The following ABTB3 variants were observed in gnomAD, a reference collection of about 807,000 sequenced individuals.
ABTB3 encodes the protein ankyrin repeat- and BTB/POZ domain-containing protein 3.
the ABTB3 span, among the ~76,000 whole-genome samples, chr12:107,518,423 A>AT: frequency 1.3e-5 from 2 of 152,186 alleles, no homozygotes; most frequent in African/African-American, 4.8e-5. Context: ...CTATGCAGCC[A>AT]TAAAAAATGA....
chr12:107,491,085 A>AGGTG, the ABTB3 span, among the ~76,000 whole-genome samples: 1 of 152,158 alleles, frequency 6.6e-6, no homozygotes, highest in East Asian at 1.9e-4. Flanking sequence ...ACATCTGAGT[A>AGGTG]GGTGGGCCTC....
chr12:107,599,942 GT>G, the ABTB3 span, among the ~76,000 whole-genome samples: 1 of 152,200 alleles, frequency 6.6e-6, no homozygotes, highest in Non-Finnish European at 1.5e-5. Flanking sequence ...TAGATATTCA[GT>G]AATGTTGAAT....
chr12:107,622,982 T>C, the ABTB3 span, among the ~76,000 whole-genome samples: 4 of 152,316 alleles, frequency 2.6e-5, no homozygotes, highest in East Asian at 7.7e-4. Flanking sequence ...ATTCAGTGTC[T>C]CTAGACTTCC....
chr12:107,541,602 C>T, the ABTB3 span, among the ~76,000 whole-genome samples: 5 of 152,224 alleles, frequency 3.3e-5, no homozygotes, highest in Admixed American at 6.5e-5. Flanking sequence ...CTTTCCTCTT[C>T]GGAGAACTTC....
At chr12:107,441,448 T>G in the ABTB3 span, among the ~76,000 whole-genome samples, 1 of 151,932 alleles carries the variant, frequency 6.6e-6, no homozygotes, top group East Asian at 1.9e-4. Context: ...CAACACATAC[T>G]GGGGCCTATT....
At chr12:107,499,586 T>C in the ABTB3 span, among the ~76,000 whole-genome samples, 1 of 152,172 alleles carries the variant, frequency 6.6e-6, no homozygotes, top group Non-Finnish European at 1.5e-5. Flanking sequence ...CAGTTTTGCA[T>C]GGCTGGGGAG....
At chr12:107,320,207 G>A in the ABTB3 span, 73 of 1,293,536 alleles carry the variant, frequency 5.6e-5, no homozygotes, top group Non-Finnish European at 7.0e-5. Context: ...AGGCGGCCGG[G>A]CTGGAGGTAG....
At chr12:107,339,468 G>C in the ABTB3 span, among the ~76,000 whole-genome samples, 1 of 152,142 alleles carries the variant, frequency 6.6e-6, no homozygotes, top group East Asian at 1.9e-4. Context: ...AAATCTTTAT[G>C]TATTCTGCTC....
chr12:107,327,671 G>A, the ABTB3 span, among the ~76,000 whole-genome samples: 1 of 152,112 alleles, frequency 6.6e-6, no homozygotes, highest in Non-Finnish European at 1.5e-5. Context: ...TATCACATGG[G>A]TCTCCAGTTT....
chr12:107,578,383 C>CTTTTTTTTTTTTTTTTTTTT, the ABTB3 span, among the ~76,000 whole-genome samples: 13 of 57,202 alleles, frequency 2.3e-4, no homozygotes, highest in African/African-American at 4.8e-4. Flanking sequence ...CTTTCTTCTT[C>CTTTTTTTTTTTTTTTTTTTT]TTTTTTTTTT....
At chr12:107,585,516 G>A in the ABTB3 span, among the ~76,000 whole-genome samples, 1 of 152,150 alleles carries the variant, frequency 6.6e-6, no homozygotes, top group Non-Finnish European at 1.5e-5. Context: ...ATCTCACAGG[G>A]CTTGGTTCAT....
At chr12:107,611,016 C>T in the ABTB3 span, among the ~76,000 whole-genome samples, 12 of 152,254 alleles carry the variant, frequency 7.9e-5, no homozygotes, top group African/African-American at 2.6e-4. Context: ...GCAGTGAGTT[C>T]CAGAGAGGGA....
the ABTB3 span, among the ~76,000 whole-genome samples, chr12:107,408,662 A>G: frequency 6.6e-6 from 1 of 152,218 alleles, no homozygotes; most frequent in Admixed American, 6.5e-5. Flanking sequence ...TAAGCAGCAA[A>G]GCTAGCCTTG....
chr12:107,454,733 A>G, the ABTB3 span, among the ~76,000 whole-genome samples: 76 of 152,312 alleles, frequency 5.0e-4, no homozygotes, highest in African/African-American at 1.8e-3. Flanking sequence ...TGCAGACCCC[A>G]GGGCTGCATG....
the ABTB3 span, among the ~76,000 whole-genome samples, chr12:107,545,299 G>C: frequency 6.6e-6 from 1 of 151,992 alleles, no homozygotes; most frequent in Non-Finnish European, 1.5e-5. Context: ...GTAGAGTGCA[G>C]TGGCATGATC....
At chr12:107,415,059 C>T in the ABTB3 span, among the ~76,000 whole-genome samples, 3 of 152,134 alleles carry the variant, frequency 2.0e-5, no homozygotes, top group African/African-American at 7.2e-5. Flanking sequence ...CACCTCACAG[C>T]TTCCGTCTGA....
the ABTB3 span, among the ~76,000 whole-genome samples, chr12:107,334,971 A>T: frequency 1.3e-5 from 2 of 152,016 alleles, no homozygotes; most frequent in East Asian, 3.9e-4. Flanking sequence ...ACCCTTGGGG[A>T]CTGTTTCAGA....
At chr12:107,342,381 GT>G in the ABTB3 span, among the ~76,000 whole-genome samples, 2 of 152,116 alleles carry the variant, frequency 1.3e-5, no homozygotes, top group African/African-American at 4.8e-5. Context: ...CCCTCTGGCT[GT>G]CCAGAGTAGC....
At chr12:107,596,931 G>A in the ABTB3 span, among the ~76,000 whole-genome samples, 2 of 152,218 alleles carry the variant, frequency 1.3e-5, no homozygotes, top group Admixed American at 6.5e-5. Context: ...TCCCATCTCA[G>A]TCTGACTTTA....
Sources: allele counts gnomAD v4.1 joint callset (sites outside exome capture counted in the v4.1 genomes callset), GRCh38; gene constraint gnomAD v4.1.1; transcripts MANE v1.5; gene names NCBI Gene and HGNC (gene_info 2026-07-23, HGNC 2026-07-21).